The following DCLK1 variants were observed in gnomAD, a reference collection of about 807,000 sequenced individuals.
DCLK1 encodes the protein serine/threonine-protein kinase DCLK1.
DCLK1 carries 16 observed loss-of-function variants against 86.2 expected under a neutral mutation model. That is an observed-to-expected ratio of 0.19 (90% CI 0.13 to 0.28). The LOEUF (loss-of-function observed/expected upper bound fraction) is 0.28, where lower values mean the gene tolerates loss of function less well. Ranked by LOEUF, DCLK1 falls within the 10% of genes least tolerant of loss-of-function variation. DCLK1 has a pLI of 1.00. For synonymous variants in DCLK1, 369 were observed against 370.5 expected (o/e 1.00, Z 0.05); for missense variants, 590 against 940.2 (o/e 0.63, Z 4.87).
At chr13:35,921,811 G>A (rs1875817706) in intron 4 of DCLK1, among the ~76,000 whole-genome samples, 2 of 152,184 alleles carry the variant, frequency 1.3e-5, no homozygotes. Flanking sequence ...ATGACTGTGG[G>A]AAGGGGCAGG....
intron 4 of DCLK1, among the ~76,000 whole-genome samples, chr13:35,909,381 G>A (rs948210990): frequency 1.3e-5 from 2 of 152,106 alleles, no homozygotes; most frequent in African/African-American, 4.8e-5. Context: ...TAAAAATATG[G>A]GTCCTGGTGC....
intron 3 of DCLK1, among the ~76,000 whole-genome samples, chr13:35,971,175 T>C (rs1281104521): frequency 6.6e-6 from 1 of 152,256 alleles, no homozygotes; most frequent in Non-Finnish European, 1.5e-5. Flanking sequence ...GACTGTGCTA[T>C]GTCAGGGTAG....
At chr13:35,876,029 A>G (rs1872571894) in intron 4 of DCLK1, among the ~76,000 whole-genome samples, 1 of 152,196 alleles carries the variant, frequency 6.6e-6, no homozygotes, top group Middle Eastern at 3.2e-3. Context: ...ATCGGTGTCC[A>G]TGGTCAGGGG....
At chr13:35,784,448 A>G (rs932498051) in intron 16 of DCLK1, among the ~76,000 whole-genome samples, 2 of 152,200 alleles carry the variant, frequency 1.3e-5, no homozygotes, top group Non-Finnish European at 2.9e-5. Context: ...ATGTTTCACC[A>G]TTCCCATGTT....
At chr13:35,958,124 T>TATAACCATCACCACCATC (rs1472448402) in intron 3 of DCLK1, among the ~76,000 whole-genome samples, 24 of 1,110 alleles carry the variant, frequency 0.022, 2 homozygotes, top group Non-Finnish European at 0.055. Flanking sequence ...CCACCACCAC[T>TATAACCATCACCACCATC]ACCACTACTA....
chr13:36,104,101 G>T (rs538826066), intron 3 of DCLK1, among the ~76,000 whole-genome samples: 2 of 152,308 alleles, frequency 1.3e-5, no homozygotes, highest in East Asian at 3.9e-4. Flanking sequence ...TCATGGTGCG[G>T]TGTGCATGGT....
intron 3 of DCLK1, among the ~76,000 whole-genome samples, chr13:36,022,864 A>G (rs1049251118): frequency 1.3e-5 from 2 of 152,176 alleles, no homozygotes; most frequent in African/African-American, 4.8e-5. Context: ...AACTCTTCCA[A>G]AAAAGAGGAA....
At chr13:35,848,807 T>C (rs2153109568) in intron 6 of DCLK1, 1 of 985,362 alleles carries the variant, frequency 1.0e-6, no homozygotes, top group Middle Eastern at 5.2e-4. Context: ...GTCAAATACA[T>C]ACTAATCTTT....
chr13:36,057,342 TA>T (rs1041280064), intron 3 of DCLK1, among the ~76,000 whole-genome samples: 35 of 152,266 alleles, frequency 2.3e-4, no homozygotes, highest in African/African-American at 8.2e-4. Flanking sequence ...TTCCTGTCTT[TA>T]AAAAACCTGA....
intron 4 of DCLK1, among the ~76,000 whole-genome samples, chr13:35,906,313 C>CTTT (rs11358132): frequency 4.4e-5 from 6 of 137,730 alleles, no homozygotes; most frequent in South Asian, 2.3e-4. Flanking sequence ...CAAGTATTTT[C>CTTT]TTTTTTTTTT....
At chr13:35,939,754 G>A (rs1021691277) in intron 4 of DCLK1, among the ~76,000 whole-genome samples, 3 of 152,096 alleles carry the variant, frequency 2.0e-5, no homozygotes, top group Non-Finnish European at 2.9e-5. Flanking sequence ...CTATTGAAAC[G>A]ATAAAATATG....
At chr13:36,086,607 T>C (rs1281488528) in intron 3 of DCLK1, among the ~76,000 whole-genome samples, 1 of 152,086 alleles carries the variant, frequency 6.6e-6, no homozygotes, top group Non-Finnish European at 1.5e-5. Flanking sequence ...TTTGTCCTAA[T>C]GCTCTCCCTC....
rs1869610921 is a variant in DCLK1 at position 35,839,129 on chromosome 13, G to T, written c.1083C>A (p.Val361=). ...GSSTSLASTK[V]CSSMDENDGP... is the part of the protein sequence containing the mutation. ...CATCGTTCTCATCCATCGAGCTGCA[G>T]ACTTTGGTGGACGCAAGTGACGTAG... is the stretch of plus-strand genomic sequence containing the variant. Residue 361 remains valine (V), a synonymous_variant, in exon 7 of 17, where the codon GTC becomes GTA. Transcript: ENST00000360631. 5.0e-6 allele frequency: 8 copies of T among 1,598,138 alleles called. No individual in the cohort carries two copies. The highest frequency in any genetic ancestry group is 6.8e-6 in the Non-Finnish European group (8 of 1,172,526).
At chr13:35,799,183 G>A (rs972941382) in intron 15 of DCLK1, among the ~76,000 whole-genome samples, 11 of 152,296 alleles carry the variant, frequency 7.2e-5, no homozygotes, top group Middle Eastern at 3.4e-3. Context: ...CAGAATGTCT[G>A]GGGGCAAAAC....
chr13:36,048,711 A>G (rs1883017795), intron 3 of DCLK1, among the ~76,000 whole-genome samples: 1 of 152,210 alleles, frequency 6.6e-6, no homozygotes, highest in Non-Finnish European at 1.5e-5. Context: ...TTTCAGCTTT[A>G]CTAATAAGCT....
intron 3 of DCLK1, among the ~76,000 whole-genome samples, chr13:36,095,023 G>A (rs1332479866): frequency 5.3e-5 from 8 of 152,146 alleles, no homozygotes; most frequent in Non-Finnish European, 1.2e-4. Flanking sequence ...GCAAGTGACA[G>A]AAAGCAAACC....
rs1221058056 is a variant in DCLK1 at position 35,769,934 on chromosome 13, C to T, written c.*4601G>A. 1 of 152,136 alleles carries T rather than the reference C, an allele frequency of 6.6e-6. No individual in the cohort carries two copies. The highest frequency in any genetic ancestry group is 1.5e-5 in the Non-Finnish European group (1 of 68,012). The allele number at this position is 152,136 out of a possible 1,614,324, so 9.4% of individuals were successfully genotyped here. A position where few individuals can be genotyped will look rare whatever the true frequency, so the allele number is the denominator to read the frequency against. On this transcript the variant is annotated 3_prime_UTR_variant, in exon 17 of 17. Transcript: ENST00000360631. The stretch of plus-strand genomic sequence containing the variant: ...GTAAACCTCATGATCAAAACACATG[C>T]CAGTTAGAAACTTGATCACAGAAAT...
chr13:36,101,386 T>TTGC (rs1885212754), intron 3 of DCLK1, among the ~76,000 whole-genome samples: 1 of 152,156 alleles, frequency 6.6e-6, no homozygotes, highest in Non-Finnish European at 1.5e-5. Context: ...TTCCAGAAAA[T>TTGC]TGCTGCTGGC....
chr13:35,967,779 C>T (rs568664341), intron 3 of DCLK1, among the ~76,000 whole-genome samples: 25 of 152,012 alleles, frequency 1.6e-4, no homozygotes, highest in Non-Finnish European at 2.8e-4. Context: ...TGTCCTATGA[C>T]CCTGCCAAAT....
Sources: allele counts gnomAD v4.1 joint callset (sites outside exome capture counted in the v4.1 genomes callset), GRCh38; gene constraint gnomAD v4.1.1; transcripts MANE v1.5; gene names NCBI Gene and HGNC (gene_info 2026-07-23, HGNC 2026-07-21).